The following YME1L1 variants were observed in gnomAD, a reference collection of about 807,000 sequenced individuals.
YME1L1 encodes the protein ATP-dependent zinc metalloprotease YME1L1.
In YME1L1, 39 loss-of-function variants were observed where a neutral mutation model predicts 90.4. The observed-to-expected ratio is 0.43, with a 90% CI of 0.33 to 0.56. YME1L1 has a LOEUF of 0.56. Among genes scored for constraint, YME1L1 ranks in the 20% least tolerant of loss-of-function variants. YME1L1 has a pLI of 0.03. For synonymous variants in YME1L1, 284 were observed against 287.3 expected, an observed-to-expected ratio of 0.99 and a Z score of 0.12; for missense variants, 617 against 868.4, an observed-to-expected ratio of 0.71 and a Z score of 3.64.
chr10:27,126,578 T>C (rs1212388140), intron 9 of YME1L1, 118 bp downstream of exon 9: 2 of 566,948 alleles, frequency 3.5e-6, no homozygotes, highest in South Asian at 2.7e-5. Context: ...TTTTGTAAAA[T>C]AGCAATTAAG....
intron 8 of YME1L1, among the ~76,000 whole-genome samples, chr10:27,128,753 A>G (rs1030817965): frequency 6.6e-6 from 1 of 151,758 alleles, no homozygotes; most frequent in Non-Finnish European, 1.5e-5. Flanking sequence ...AAAAAAAACT[A>G]CAAAAATTAG....
chr10:27,145,368 T>C (rs756152046), intron 3 of YME1L1, 60 bp downstream of exon 3: 50 of 1,338,802 alleles, frequency 3.7e-5, no homozygotes, highest in Admixed American at 6.7e-5. Flanking sequence ...TAAGAAATGG[T>C]ATCTATAATT....
At chr10:27,112,998 G>A (rs1005202039) in intron 18 of YME1L1, among the ~76,000 whole-genome samples, 7 of 151,930 alleles carry the variant, frequency 4.6e-5, no homozygotes, top group African/African-American at 1.7e-4. Flanking sequence ...AAGGCAGGTG[G>A]ATCGTTTGAG....
rs780350158 is a variant in YME1L1, at chr10:27,134,068, T to C, written c.746A>G (p.Tyr249Cys). 3.7e-6 allele frequency: 6 copies of C among 1,613,658 alleles called. No individual in the cohort carries two copies. The highest frequency in any genetic ancestry group is 2.7e-5 in the African/African-American group (2 of 74,900). Residue 249 changes from tyrosine (Y) to cysteine (C), a missense_variant, in exon 7 of 19, where the codon TAT becomes TGT. Tyr to Cys is a radical substitution (Grantham distance 194). This residue lies in a region of YME1L1 where 311 missense variants were observed against 335.8 expected (regional missense o/e 0.93). Coordinates refer to ENST00000376016, the MANE Select transcript of YME1L1 (RefSeq NM_014263.4). The part of the protein sequence containing the change: ...ILFVLLLFGI[Y>C]GLLKNPFLSV... ...TAAAAATGGGTTTTTTAGAAGTCCA[T>C]AAATGCCGAATAGCAGCAGAACGAA... is the stretch of plus-strand genomic sequence containing the variant.
chr10:27,147,023 G>A (rs921265737), intron 2 of YME1L1: 1 of 221,326 alleles, frequency 4.5e-6, no homozygotes. Context: ...TGATCAAGGC[G>A]GCTTAGGGAC....
chr10:27,149,007 A>G lies in YME1L1; in HGVS notation c.67T>C (p.Phe23Leu), dbSNP rs1171139249. The G allele has an allele frequency of 1.2e-6, 2 of 1,613,696 alleles. No homozygotes were observed. The highest frequency in any genetic ancestry group is 2.7e-5 in the African/African-American group (2 of 74,928). ...ACAGAAGTGTTTTTTGGTGTATGGA[A>G]GGCATTGATGAGATGACTCAGAGGA... Reference protein sequence around the residue: ...TVPLSHLINAFHTPKNTSVSL... With the variant: ...TVPLSHLINALHTPKNTSVSL... Residue 23 changes from phenylalanine (F) to leucine (L), a missense_variant, in exon 2 of 19, where the codon TTC becomes CTC. Phe to Leu is a conservative substitution (Grantham distance 22, BLOSUM62 0). Transcript: ENST00000376016.
chr10:27,153,174 C>T, intron 1 of YME1L1: 1 of 470,570 alleles, frequency 2.1e-6, no homozygotes, highest in South Asian at 1.5e-5. Context: ...AAGTCCTACT[C>T]ATATTTACTT....
At chr10:27,119,551 G>A (rs1460649971) in intron 13 of YME1L1, 102 bp from the exon 14 acceptor site, 2 of 1,302,586 alleles carry the variant, frequency 1.5e-6, no homozygotes, top group Non-Finnish European at 2.1e-6. Context: ...GCTCATGCCT[G>A]TAATCCCAGC....
At position 27,145,493 on chromosome 10, in the gene YME1L1, T is replaced by A. The variant is rs202176180; in HGVS notation, c.266A>T (p.Lys89Ile). ...ENLLPGFCKG[K>I]NISSHWHTSH... ...TGTATGCCAATGGGAAGAAATGTTT[T>A]TGCCTTTACAAAATCCAGGAAGTAG... The change falls in exon 3 of 19, where the codon AAA becomes ATA. Residue 89 changes from lysine to isoleucine, a missense_variant. Physicochemically the swap from Lys to Ile is moderately radical, Grantham distance 102. Coordinates refer to ENST00000376016, the MANE Select transcript of YME1L1 (RefSeq NM_014263.4). The A allele has an allele frequency of 1.8e-5, 29 of 1,613,658 alleles. No individual in the cohort carries two copies. The East Asian group carries it at 6.3e-4, about 35-fold the overall frequency.
At chr10:27,146,981 A>C (rs2057151117) in intron 2 of YME1L1, 1 of 184,062 alleles carries the variant, frequency 5.4e-6, no homozygotes, top group African/African-American at 2.4e-5. Flanking sequence ...ATGAAATAAA[A>C]TACTTAAAAG....
At chr10:27,138,031 C>A (rs150897929) in intron 4 of YME1L1, among the ~76,000 whole-genome samples, 1 of 151,932 alleles carries the variant, frequency 6.6e-6, no homozygotes, top group Non-Finnish European at 1.5e-5. Flanking sequence ...TTGTTTTCAA[C>A]CCTTTAACAT....
chr10:27,113,123 G>A (rs868104868), intron 18 of YME1L1, among the ~76,000 whole-genome samples: 82 of 149,806 alleles, frequency 5.5e-4, no homozygotes, highest in African/African-American at 1.9e-3. Flanking sequence ...AGGAGGCTGA[G>A]GTGGGAGGAT....
chr10:27,142,577 G>GA (rs2057100375), intron 3 of YME1L1, 92 bp from the exon 4 acceptor site: 2 of 537,156 alleles, frequency 3.7e-6, no homozygotes, highest in Non-Finnish European at 3.1e-6. Context: ...AAATATTAGG[G>GA]AAATCACAAT....
chr10:27,121,842 TC>T (rs2056870905), intron 11 of YME1L1, among the ~76,000 whole-genome samples: 1 of 151,698 alleles, frequency 6.6e-6, no homozygotes, highest in Non-Finnish European at 1.5e-5. Context: ...TTCAAGCAAT[TC>T]TCATGTCTCA....
chr10:27,147,384 G>A, intron 2 of YME1L1: 1 of 1,567,858 alleles, frequency 6.4e-7, no homozygotes, highest in South Asian at 1.1e-5. Context: ...CTGGATGAGA[G>A]AGAAGGCTGA....
At chr10:27,147,584 T>C (rs987199364) in intron 2 of YME1L1, 5 of 1,590,070 alleles carry the variant, frequency 3.1e-6, no homozygotes, top group Admixed American at 1.8e-5. Context: ...GCTGGCTCCA[T>C]GAACATGGAT....
intron 3 of YME1L1, among the ~76,000 whole-genome samples, chr10:27,143,019 C>T (rs1328683430): frequency 6.6e-6 from 1 of 151,920 alleles, no homozygotes; most frequent in Non-Finnish European, 1.5e-5. Flanking sequence ...GCCCAGCCTA[C>T]ATTATCTTTT....
chr10:27,152,358 T>C (rs534803406), intron 1 of YME1L1, among the ~76,000 whole-genome samples: 2 of 152,336 alleles, frequency 1.3e-5, no homozygotes, highest in South Asian at 4.1e-4. Context: ...TCAAGTGTAT[T>C]CAACCAATTA....
In YME1L1 at chr10:27,136,404, T is replaced by TAA; in HGVS notation, c.431-20_431-19insTT. ...ATGAAAACTAAATAAAACAATACCA[T>TAA]TCACTGTCACTATAAATTGTTACAG... On this transcript the variant is annotated intron_variant, in intron 4 of 18. Coordinates refer to ENST00000376016, the MANE Select transcript of YME1L1 (RefSeq NM_014263.4). The TAA allele has an allele frequency of 6.3e-7, 1 of 1,578,572 alleles. No homozygotes were observed. Among genetic ancestry groups the TAA allele is most frequent in the Non-Finnish European group, 8.7e-7 (1 of 1,152,160 alleles).
Sources: allele counts gnomAD v4.1 joint callset (sites outside exome capture counted in the v4.1 genomes callset), GRCh38; gene constraint gnomAD v4.1.1; regional missense constraint gnomAD v4.1.1; transcripts MANE v1.5; gene names NCBI Gene and HGNC (gene_info 2026-07-23, HGNC 2026-07-21).